The following KIF26B variants were observed in gnomAD, a reference collection of about 807,000 sequenced individuals.
KIF26B encodes kinesin-like protein KIF26B.
Under a neutral mutation model 151.2 loss-of-function variants are expected in KIF26B, and 63 were observed. The ratio of observed to expected loss-of-function variants is 0.42; its 90% CI spans 0.34 to 0.51. The LOEUF (loss-of-function observed/expected upper bound fraction) is 0.51. Ranked by LOEUF, KIF26B falls within the 20% of genes least tolerant of loss-of-function variation. The probability of loss-of-function intolerance (pLI) is 0.07; values close to 1 mark genes in which losing one functional copy is unlikely to be tolerated. For synonymous variants in KIF26B, 1,357 were observed against 1,262.1 expected (o/e 1.08, Z -1.59); for missense variants, 2,813 against 2,913.6 (o/e 0.97, Z 0.79).
intron 2 of KIF26B, among the ~76,000 whole-genome samples, chr1:245,267,351 A>G (rs1670764746): frequency 6.6e-6 from 1 of 152,122 alleles, no homozygotes; most frequent in Non-Finnish European, 1.5e-5. Context: ...GGGCATCTTA[A>G]TTGCTTCTTG....
Position 245,367,380 on chromosome 1 carries a change from T to A in KIF26B, c.999+13T>A. ...GTACCCATACCAGGTAAGTAGCCTGTGTGAGCCAGGAAGAGCAGGGCTGGC... is the reference window on the plus strand; with the variant it reads ...GTACCCATACCAGGTAAGTAGCCTGAGTGAGCCAGGAAGAGCAGGGCTGGC... On this transcript the variant is annotated intron_variant, in intron 3 of 14. Coordinates refer to ENST00000407071, the MANE Select transcript of KIF26B (RefSeq NM_018012.4). This position sits in a 1 kb window ranked among gnomAD's most constrained non-coding sequence, Gnocchi z 4.2. 6.4e-7 allele frequency: 1 copy of A among 1,571,834 alleles called. No homozygotes were observed.
intron 12 of KIF26B, among the ~76,000 whole-genome samples, chr1:245,692,196 G>A (rs2044633805): frequency 6.6e-6 from 1 of 152,166 alleles, no homozygotes; most frequent in Non-Finnish European, 1.5e-5. Context: ...TGCTCTTAGA[G>A]CTTGGTGATA....
At position 245,352,822 on chromosome 1, in the gene KIF26B, T is replaced by TA. The variant is rs1411720393; in HGVS notation, c.466-14009dup. Among the ~76,000 whole-genome samples, 1 of 151,350 alleles carries TA rather than the reference T, an allele frequency of 6.6e-6. No homozygotes were observed. The highest frequency in any genetic ancestry group is 1.9e-4 in the East Asian group (1 of 5,168). On this transcript the variant is annotated intron_variant, in intron 2 of 14. Coordinates refer to ENST00000407071, the MANE Select transcript of KIF26B (RefSeq NM_018012.4). The surrounding 1 kb of genome is among the most constrained non-coding windows in gnomAD (Gnocchi z 5.0). ...TAGAACTATCTTAGTGGTTTCTTCC[T>TA]AAAGAGATGTACACGTGTGTGTGTG... is the stretch of plus-strand genomic sequence containing the variant.
At position 245,702,860 on chromosome 1, in the gene KIF26B, G is replaced by A. The variant is rs1572216768; in HGVS notation, c.*254G>A. ...GTCCAAGCCCTGTGAGACTGAAAAA[G>A]CACTTTGAGGAACCTTAAAGACCTT... On this transcript the variant is annotated 3_prime_UTR_variant, in exon 15 of 15. Coordinates refer to ENST00000407071, the MANE Select transcript of KIF26B (RefSeq NM_018012.4). This position sits in a 1 kb window ranked among gnomAD's most constrained non-coding sequence, Gnocchi z 4.1. The A allele has an allele frequency of 2.9e-5, 12 of 413,124 alleles. No individual in the cohort carries two copies. In the East Asian group the frequency reaches 4.2e-4, roughly 14 times the overall value. 25.6% of individuals were successfully genotyped at this position (413,124 alleles called of 1,614,324 possible).
chr1:245,156,238 C>T (rs1349568393), intron 1 of KIF26B, 44 bp from the exon 2 acceptor site: 3 of 1,532,478 alleles, frequency 2.0e-6, no homozygotes, highest in Admixed American at 4.1e-5. Context: ...GGCGCTGCAG[C>T]CCGCCGCCTT....
intron 2 of KIF26B, among the ~76,000 whole-genome samples, chr1:245,284,422 G>A (rs1671129880): frequency 1.3e-5 from 2 of 151,970 alleles, no homozygotes; most frequent in Non-Finnish European, 2.9e-5. Context: ...ATACATTTTG[G>A]GTTTTTTTGA....
At chr1:245,519,941 TA>T (rs1455412315) in intron 4 of KIF26B, among the ~76,000 whole-genome samples, 1 of 152,214 alleles carries the variant, frequency 6.6e-6, no homozygotes, top group Non-Finnish European at 1.5e-5. Flanking sequence ...AGAACAAGTT[TA>T]AAATTGAATT....
intron 4 of KIF26B, among the ~76,000 whole-genome samples, chr1:245,489,661 T>C (rs1318223237): frequency 2.0e-5 from 3 of 152,238 alleles, no homozygotes; most frequent in African/African-American, 4.8e-5. Context: ...GGGCTATGTA[T>C]ATGTAAAGTC....
intron 10 of KIF26B, among the ~76,000 whole-genome samples, chr1:245,651,475 C>A (rs2044014558): frequency 1.3e-5 from 2 of 152,138 alleles, no homozygotes; most frequent in South Asian, 4.2e-4. Flanking sequence ...CCTCCTAGAG[C>A]CCATGGAGAT....
chr1:245,507,449 C>T (rs1660747159), intron 4 of KIF26B, among the ~76,000 whole-genome samples: 1 of 152,228 alleles, frequency 6.6e-6, no homozygotes, highest in South Asian at 2.1e-4. Context: ...CTGTGTTGGA[C>T]TTGATGGCTG....
At chr1:245,230,584 A>T (rs972635733) in intron 2 of KIF26B, among the ~76,000 whole-genome samples, 10 of 151,954 alleles carry the variant, frequency 6.6e-5, no homozygotes, top group Non-Finnish European at 1.3e-4. Context: ...CTCTACTAAA[A>T]ATACAAAAAT....
At chr1:245,385,490 T>C (rs1673521160) in intron 3 of KIF26B, among the ~76,000 whole-genome samples, 1 of 152,138 alleles carries the variant, frequency 6.6e-6, no homozygotes, top group Non-Finnish European at 1.5e-5. Context: ...CTGTCTGGAG[T>C]ACTTTTACAT....
chr1:245,565,615 G>C (rs1008103912), intron 5 of KIF26B, among the ~76,000 whole-genome samples: 3 of 152,072 alleles, frequency 2.0e-5, no homozygotes, highest in Non-Finnish European at 4.4e-5. Flanking sequence ...CCGGTCATTT[G>C]TACAGTGTTG....
At position 245,560,424 on chromosome 1, in the gene KIF26B, T is replaced by A. The variant is rs992979586; in HGVS notation, c.1350+19474T>A. Among the ~76,000 whole-genome samples the A allele has an allele frequency of 6.6e-6, 1 of 152,172 alleles. No homozygotes were observed. The highest frequency in any genetic ancestry group is 1.5e-5 in the Non-Finnish European group (1 of 68,032). On this transcript the variant is annotated intron_variant, in intron 5 of 14. Transcript: ENST00000407071. The surrounding 1 kb of genome is among the most constrained non-coding windows in gnomAD (Gnocchi z 4.3). ...CTTTCCTGTGAGATAAAAATGTACCTTATGGTATTACTTTATTTTAATTCT... is the reference window on the plus strand; with the variant it reads ...CTTTCCTGTGAGATAAAAATGTACCATATGGTATTACTTTATTTTAATTCT...
At chr1:245,422,364 C>G (rs1169694695) in intron 4 of KIF26B, among the ~76,000 whole-genome samples, 1 of 151,946 alleles carries the variant, frequency 6.6e-6, no homozygotes, top group Non-Finnish European at 1.5e-5. Context: ...GCTGGGCTTT[C>G]CCACCTCCCA....
At position 245,705,950 on chromosome 1, in the gene KIF26B, A is replaced by G. The variant is rs1433481591; in HGVS notation, c.*3344A>G. The G allele has an allele frequency of 6.6e-6, 1 of 152,230 alleles. No homozygotes were observed. Among genetic ancestry groups the G allele is most frequent in the African/African-American group, 2.4e-5 (1 of 41,460 alleles). The allele number at this position is 152,230 out of a possible 1,614,324, so 9.4% of individuals were successfully genotyped here. ...GCCCGTTGTTTATTCGCCAGTTGCC[A>G]TTCTTAACATGGGGGAGCATTAAGA... is the stretch of plus-strand genomic sequence containing the variant. On this transcript the variant is annotated 3_prime_UTR_variant, in exon 15 of 15. Transcript: ENST00000407071.
Position 245,611,784 on chromosome 1 carries a change from G to T in KIF26B, c.1915-9G>T. On this transcript the variant is annotated splice_polypyrimidine_tract_variant and intron_variant, in intron 8 of 14. Transcript: ENST00000407071. ...CCTGCAGCCTCATCTCTTGGCTTCT[G>T]TCTTCCAGCTGCAGAACCAGAGCGA... 2 of 1,612,594 alleles carry T rather than the reference G, an allele frequency of 1.2e-6. No individual in the cohort carries two copies. Among genetic ancestry groups the T allele is most frequent in the Non-Finnish European group, 1.7e-6 (2 of 1,179,578 alleles).
At chr1:245,645,338 C>T (rs2043935797) in intron 9 of KIF26B, among the ~76,000 whole-genome samples, 1 of 152,188 alleles carries the variant, frequency 6.6e-6, no homozygotes, top group Non-Finnish European at 1.5e-5. Context: ...CTGATCAGTA[C>T]TCAGCTGAAC....
intron 2 of KIF26B, among the ~76,000 whole-genome samples, chr1:245,243,225 T>C (rs1670243146): frequency 6.6e-6 from 1 of 152,178 alleles, no homozygotes; most frequent in African/African-American, 2.4e-5. Context: ...TTTATCAAAC[T>C]TTAAATATTT....
Sources: allele counts gnomAD v4.1 joint callset (sites outside exome capture counted in the v4.1 genomes callset), GRCh38; gene constraint gnomAD v4.1.1; non-coding constraint Gnocchi (gnomAD v3.1); transcripts MANE v1.5; gene names NCBI Gene and HGNC (gene_info 2026-07-23, HGNC 2026-07-21).